The following KLHDC7B variants were observed in gnomAD, a reference collection of about 807,000 sequenced individuals.
KLHDC7B encodes kelch domain-containing protein 7B.
In KLHDC7B, 1 loss-of-function variant was observed where a neutral mutation model predicts 0.6. The observed-to-expected ratio is 1.71, with a 90% confidence interval of 0.61 to 8.11. The LOEUF is 8.11. KLHDC7B is among the 30% of genes most tolerant of loss of function. The pLI is 0.13. For synonymous variants in KLHDC7B, 462 were observed against 405.2 expected (o/e 1.14, Z -1.68); for missense variants, 993 against 894.9 (o/e 1.11, Z -1.40).
chr22:50,549,347 C>T lies in KLHDC7B; in HGVS notation c.3104C>T (p.Ala1035Val). ...IWSQVRPMQQ[A>V]RAQLKLVALD... ...AGCCAGGTTCGGCCCATGCAGCAGG[C>T]CCGAGCCCAGCTCAAGCTGGTGGCC... The change falls in exon 1 of 1, where the codon GCC becomes GTC. Residue 1035 changes from alanine to valine, a missense_variant. Coordinates refer to ENST00000648057, the MANE Select transcript of KLHDC7B (RefSeq NM_138433.5). 1 of 1,612,884 alleles carries T rather than the reference C, an allele frequency of 6.2e-7. No homozygotes were observed. Among genetic ancestry groups the T allele is most frequent in the Non-Finnish European group, 8.5e-7 (1 of 1,179,980 alleles).
In KLHDC7B at chr22:50,546,587, G is replaced by A. The variant is rs1476272256; in HGVS notation, c.344G>A (p.Gly115Asp). The A allele has an allele frequency of 7.5e-6, 3 of 397,924 alleles. No individual in the cohort carries two copies. The highest frequency in any genetic ancestry group is 2.1e-5 in the African/African-American group (1 of 48,596). The allele number at this position is 397,924 out of a possible 1,614,324, so 24.6% of individuals were successfully genotyped here. ...GTCCCTGCTGCAGCGCCGGGCGGGG[G>A]CCTGGCCGCCATGGCCCGGCTTCCA... ...SPVPAAAPGGGLAAMARLPLK... is the reference protein window; with the variant it reads ...SPVPAAAPGGDLAAMARLPLK... Residue 115 changes from glycine to aspartate, a missense_variant, in exon 1 of 1, where the codon GGC becomes GAC. Transcript: ENST00000648057.
At position 50,549,506 on chromosome 22, in the gene KLHDC7B, C is replaced by T; in HGVS notation, c.3263C>T (p.Ala1088Val). ...TTCCCTGTGGCCCACGAGGCTGTGG[C>T]CTGCCGTGGGGACATCTACGTCACC... is the stretch of plus-strand genomic sequence containing the variant. ...GTFPVAHEAV[A>V]CRGDIYVTGG... Residue 1088 changes from alanine to valine, a missense_variant, in exon 1 of 1, where the codon GCC becomes GTC. Coordinates refer to ENST00000648057, the MANE Select transcript of KLHDC7B (RefSeq NM_138433.5). The T allele has an allele frequency of 1.2e-6, 2 of 1,611,802 alleles. No homozygotes were observed. Among genetic ancestry groups the T allele is most frequent in the African/African-American group, 1.3e-5 (1 of 75,054 alleles).
At position 50,549,348 on chromosome 22, in the gene KLHDC7B, C is replaced by G. The variant is rs759020961; in HGVS notation, c.3105C>G (p.Ala1035=). 1 of 1,612,874 alleles carries G rather than the reference C, an allele frequency of 6.2e-7. No individual in the cohort carries two copies. The highest frequency in any genetic ancestry group is 2.2e-5 in the East Asian group (1 of 44,876). ...GCCAGGTTCGGCCCATGCAGCAGGC[C>G]CGAGCCCAGCTCAAGCTGGTGGCCC... The part of the protein sequence containing the change: ...IWSQVRPMQQ[A]RAQLKLVALD... The change falls in exon 1 of 1, where the codon GCC becomes GCG. Residue 1035 remains alanine (A), a synonymous_variant. Transcript: ENST00000648057.
chr22:50,548,299 G>T lies in KLHDC7B; in HGVS notation c.2056G>T (p.Val686Leu). The change falls in exon 1 of 1, where the codon GTG becomes TTG. Residue 686 changes from valine to leucine, a missense_variant. Transcript: ENST00000648057. This position sits in a 1 kb window ranked among gnomAD's most constrained non-coding sequence, Gnocchi z 5.3. ...SEDRHGPSSS[V>L]GTVIGTGTGG... ...GGACAGACACGGCCCCTCTTCTTCAGTGGGGACAGTCATAGGGACAGGTAC... is the reference window on the plus strand; with the variant it reads ...GGACAGACACGGCCCCTCTTCTTCATTGGGGACAGTCATAGGGACAGGTAC... The T allele has an allele frequency of 6.4e-7, 1 of 1,551,164 alleles. No individual in the cohort carries two copies. The highest frequency in any genetic ancestry group is 8.7e-7 in the Non-Finnish European group (1 of 1,146,972).
Position 50,548,136 on chromosome 22 carries a change from G to A in KLHDC7B, c.1893G>A (p.Gln631=). ...TCCCCAGGCGCTACCAGGAGGGGCAGGTCTCAGCCAGCTGGGGAAACCTTA... is the reference window on the plus strand; with the variant it reads ...TCCCCAGGCGCTACCAGGAGGGGCAAGTCTCAGCCAGCTGGGGAAACCTTA... The part of the protein sequence containing the change: ...VALPRRYQEG[Q]VSASWGNLIA... The change falls in exon 1 of 1, where the codon CAG becomes CAA. Residue 631 remains glutamine, a synonymous_variant. Transcript: ENST00000648057. The surrounding 1 kb of genome is among the most constrained non-coding windows in gnomAD (Gnocchi z 5.3). 2 of 1,471,226 alleles carry A rather than the reference G, an allele frequency of 1.4e-6. No individual in the cohort carries two copies. The highest frequency in any genetic ancestry group is 1.8e-6 in the Non-Finnish European group (2 of 1,108,258). 91.1% of individuals were successfully genotyped at this position (1,471,226 alleles called of 1,614,324 possible).
Position 50,548,061 on chromosome 22 carries a change from C to T in KLHDC7B, c.1818C>T (p.Ala606=), listed in dbSNP as rs577000416. The T allele has an allele frequency of 9.7e-4, 1,280 of 1,318,944 alleles. 20 individuals carry two copies. In the African/African-American group the frequency reaches 0.019, roughly 20 times the overall value. 81.7% of individuals were successfully genotyped at this position (1,318,944 alleles called of 1,614,324 possible). ...APTSAPTPTP[A]ASPAPADGSK... is the part of the protein sequence containing the mutation. The stretch of plus-strand genomic sequence containing the variant: ...CCTCAGCCCCAACCCCAACCCCAGC[C>T]GCATCCCCTGCCCCAGCTGACGGGT... The change falls in exon 1 of 1, where the codon GCC becomes GCT. Residue 606 remains alanine, a synonymous_variant. Coordinates refer to ENST00000648057, the MANE Select transcript of KLHDC7B (RefSeq NM_138433.5). This position sits in a 1 kb window ranked among gnomAD's most constrained non-coding sequence, Gnocchi z 5.3.
In KLHDC7B at chr22:50,548,452, C is replaced by T. The variant is rs762739920; in HGVS notation, c.2209C>T (p.Pro737Ser). The T allele has an allele frequency of 2.5e-5, 40 of 1,579,330 alleles. No individual in the cohort carries two copies. In the Admixed American group the frequency reaches 4.4e-4, roughly 18 times the overall value. The change falls in exon 1 of 1, where the codon CCC (proline) becomes TCC (serine). Residue 737 changes from proline (P) to serine (S), a missense_variant. By Grantham distance (74) the Pro-to-Ser change is moderately conservative (BLOSUM62 -1). Transcript: ENST00000648057. This position sits in a 1 kb window ranked among gnomAD's most constrained non-coding sequence, Gnocchi z 5.3. ...CAGGGAGAAAAGTCTAGACCCGCTG[C>T]CCCAAGCCGCGATGCCCAGGGGCCC... is the stretch of plus-strand genomic sequence containing the variant. The part of the protein sequence containing the change: ...GTREKSLDPL[P>S]QAAMPRGPAQ...
rs754424798 is a variant in KLHDC7B, at chr22:50,548,613, C to A, written c.2370C>A (p.Ala790=). The part of the protein sequence containing the change: ...APSSEQEVRP[A]ASGDPQGEAP... ...GCTCGGAGCAGGAGGTCAGGCCGGC[C>A]GCCTCGGGGGACCCTCAAGGGGAGG... Residue 790 remains alanine, a synonymous_variant, in exon 1 of 1, where the codon GCC becomes GCA. Coordinates refer to ENST00000648057, the MANE Select transcript of KLHDC7B (RefSeq NM_138433.5). This position sits in a 1 kb window ranked among gnomAD's most constrained non-coding sequence, Gnocchi z 5.3. 1 of 1,543,094 alleles carries A rather than the reference C, an allele frequency of 6.5e-7. No individual in the cohort carries two copies. The highest frequency in any genetic ancestry group is 2.0e-5 in the Admixed American group (1 of 50,836).
Position 50,550,097 on chromosome 22 carries a change from G to C in KLHDC7B, c.*146G>C. 1 of 868,290 alleles carries C rather than the reference G, an allele frequency of 1.2e-6. No homozygotes were observed. Among genetic ancestry groups the C allele is most frequent in the Non-Finnish European group, 1.7e-6 (1 of 585,760 alleles). The allele number at this position is 868,290 out of a possible 1,614,324, so 53.8% of individuals were successfully genotyped here. The stretch of plus-strand genomic sequence containing the variant: ...ACAACTTTCCCCTTCTGCTTTAAAG[G>C]TTGTCGATTATTTTGAAGCCCAGAC... On this transcript the variant is annotated 3_prime_UTR_variant, in exon 1 of 1. Transcript: ENST00000648057.
Position 50,548,673 on chromosome 22 carries a change from CG to C in KLHDC7B, c.511del (p.Ala171ArgfsTer75). 1 of 1,518,318 alleles carries C rather than the reference CG, an allele frequency of 6.6e-7. No individual in the cohort carries two copies. The allele number at this position is 1,518,318 out of a possible 1,614,324, so 94.1% of individuals were successfully genotyped here. Reference sequence around the variant, plus strand: ...AGGGGGGCAGCCCTGCCGGCCGCAGCGGGGCGCTCACGGAAAAGCAGGAGGA... The same window carrying C: ...AGGGGGGCAGCCCTGCCGGCCGCAGCGGGCGCTCACGGAAAAGCAGGAGGA... On this transcript the variant is annotated frameshift_variant, in exon 1 of 1. Transcript: ENST00000395676. LOFTEE classifies it low-confidence loss of function (END_TRUNC). The surrounding 1 kb of genome is among the most constrained non-coding windows in gnomAD (Gnocchi z 5.3).
Position 50,548,177 on chromosome 22 carries a change from G to A in KLHDC7B, c.1934G>A (p.Arg645Lys). 6.6e-7 allele frequency: 1 copy of A among 1,518,468 alleles called. No homozygotes were observed. The allele number at this position is 1,518,468 out of a possible 1,614,324, so 94.1% of individuals were successfully genotyped here. The change falls in exon 1 of 1, where the codon AGA (arginine) becomes AAA (lysine). Residue 645 changes from arginine (R) to lysine (K), a missense_variant. Physicochemically the swap from Arg to Lys is conservative, Grantham distance 26. Transcript: ENST00000648057. This position sits in a 1 kb window ranked among gnomAD's most constrained non-coding sequence, Gnocchi z 5.3. The stretch of plus-strand genomic sequence containing the variant: ...GGAAACCTTATTGCCATGGTTCTTA[G>A]AAGCCACCCCTTCCCCAGGCAAGAC... ...SWGNLIAMVL[R>K]SHPFPRQDRP...
rs369055801 is a variant in KLHDC7B, at chr22:50,549,163, C to A, written c.2920C>A (p.Arg974=). The A allele has an allele frequency of 1.1e-5, 17 of 1,604,428 alleles. No homozygotes were observed. In the South Asian group the frequency reaches 1.4e-4, roughly 13 times the overall value. ...GTTCAACCCCCGGGAGAACACCTGGCGGCCCCTGACCCAGGTGCCCGAGGA... is the reference window on the plus strand; with the variant it reads ...GTTCAACCCCCGGGAGAACACCTGGAGGCCCCTGACCCAGGTGCCCGAGGA... ...HVFNPRENTW[R]PLTQVPEEAP... Residue 974 remains arginine (R), a synonymous_variant, in exon 1 of 1, where the codon CGG becomes AGG. Transcript: ENST00000648057.
chr22:50,549,899 G>A lies in KLHDC7B; in HGVS notation c.3656G>A (p.Ser1219Asn). The A allele has an allele frequency of 6.3e-7, 1 of 1,590,214 alleles. No homozygotes were observed. ...PFPLGSTGVL[S>N]PFILTLPPED... ...CCCTTGGGGAGCACCGGGGTCCTCA[G>A]TCCATTCATCCTGACTCTGCCCCCT... is the stretch of plus-strand genomic sequence containing the variant. The change falls in exon 1 of 1, where the codon AGT becomes AAT. Residue 1219 changes from serine (S) to asparagine (N), a missense_variant. Transcript: ENST00000648057.
chr22:50,548,932 G>T lies in KLHDC7B; in HGVS notation c.2689G>T (p.Asp897Tyr), dbSNP rs775723181. The change falls in exon 1 of 1, where the codon GAC becomes TAC. Residue 897 changes from aspartate (D) to tyrosine (Y), a missense_variant. Physicochemically the swap from Asp to Tyr is radical, Grantham distance 160. Coordinates refer to ENST00000648057, the MANE Select transcript of KLHDC7B (RefSeq NM_138433.5). The surrounding 1 kb of genome is among the most constrained non-coding windows in gnomAD (Gnocchi z 5.3). ...CGACAACCTGCTGCGAGTGCTGGGA[G>T]ACCCGTGCCTCTACCGCCGGCTGAG... Reference protein sequence around the residue: ...MSDNLLRVLGDPCLYRRLSAA... With the variant: ...MSDNLLRVLGYPCLYRRLSAA... The T allele has an allele frequency of 2.5e-6, 4 of 1,597,596 alleles. No homozygotes were observed. The Admixed American group carries it at 6.9e-5, about 27-fold the overall frequency.
rs763759553 is a variant in KLHDC7B at position 50,549,149 on chromosome 22, G to A, written c.2906G>A (p.Arg969Gln). The A allele has an allele frequency of 5.0e-6, 8 of 1,604,080 alleles. No homozygotes were observed. Among genetic ancestry groups the A allele is most frequent in the East Asian group, 2.2e-5 (1 of 44,854 alleles). ...LPAHLHVFNP[R>Q]ENTWRPLTQV... Reference sequence around the variant, plus strand: ...GCGCACCTGCATGTGTTCAACCCCCGGGAGAACACCTGGCGGCCCCTGACC... The same window carrying A: ...GCGCACCTGCATGTGTTCAACCCCCAGGAGAACACCTGGCGGCCCCTGACC... Residue 969 changes from arginine to glutamine, a missense_variant, in exon 1 of 1, where the codon CGG becomes CAG. By Grantham distance (43) the Arg-to-Gln change is conservative (BLOSUM62 1). Coordinates refer to ENST00000648057, the MANE Select transcript of KLHDC7B (RefSeq NM_138433.5).
chr22:50,548,216 G>A lies in KLHDC7B; in HGVS notation c.1973G>A (p.Ser658Asn), dbSNP rs368890276. 3.9e-6 allele frequency: 6 copies of A among 1,548,806 alleles called. No individual in the cohort carries two copies. The highest frequency in any genetic ancestry group is 2.0e-5 in the Admixed American group (1 of 50,886). Residue 658 changes from serine to asparagine, a missense_variant, in exon 1 of 1, where the codon AGT (serine) becomes AAT (asparagine). Physicochemically the swap from Ser to Asn is conservative, Grantham distance 46. Transcript: ENST00000648057. This position sits in a 1 kb window ranked among gnomAD's most constrained non-coding sequence, Gnocchi z 5.3. The part of the protein sequence containing the change: ...PFPRQDRPQG[S>N]VPRAVPGSPV... ...CCCAGGCAAGACAGGCCCCAAGGGA[G>A]TGTCCCGAGGGCGGTTCCCGGGAGC...
chr22:50,548,160 T>C lies in KLHDC7B; in HGVS notation c.1917T>C (p.Leu639=). The C allele has an allele frequency of 6.7e-7, 1 of 1,499,084 alleles. No homozygotes were observed. The highest frequency in any genetic ancestry group is 8.9e-7 in the Non-Finnish European group (1 of 1,119,006). The allele number at this position is 1,499,084 out of a possible 1,614,324, so 92.9% of individuals were successfully genotyped here. The change falls in exon 1 of 1, where the codon CTT becomes CTC. Residue 639 remains leucine (L), a synonymous_variant. Transcript: ENST00000648057. The surrounding 1 kb of genome is among the most constrained non-coding windows in gnomAD (Gnocchi z 5.3). ...EGQVSASWGN[L]IAMVLRSHPF... ...AGGTCTCAGCCAGCTGGGGAAACCTTATTGCCATGGTTCTTAGAAGCCACC... is the reference window on the plus strand; with the variant it reads ...AGGTCTCAGCCAGCTGGGGAAACCTCATTGCCATGGTTCTTAGAAGCCACC...
At position 50,547,562 on chromosome 22, in the gene KLHDC7B, C is replaced by T. The variant is rs1166263981; in HGVS notation, c.1319C>T (p.Pro440Leu). 1 of 399,690 alleles carries T rather than the reference C, an allele frequency of 2.5e-6. No homozygotes were observed. The highest frequency in any genetic ancestry group is 2.1e-5 in the African/African-American group (1 of 48,616). 24.8% of individuals were successfully genotyped at this position (399,690 alleles called of 1,614,324 possible). A position where few individuals can be genotyped will look rare whatever the true frequency, so the allele number is the denominator to read the frequency against. ...FPPEALTLPS[P>L]SDFLPLEVTQ... ...CCTGAAGCCCTGACTCTCCCCTCTCCTTCAGACTTTTTGCCCCTGGAGGTT... is the reference window on the plus strand; with the variant it reads ...CCTGAAGCCCTGACTCTCCCCTCTCTTTCAGACTTTTTGCCCCTGGAGGTT... The change falls in exon 1 of 1, where the codon CCT becomes CTT. Residue 440 changes from proline (P) to leucine (L), a missense_variant. Coordinates refer to ENST00000648057, the MANE Select transcript of KLHDC7B (RefSeq NM_138433.5).
rs61741044 is a variant in KLHDC7B, at chr22:50,548,974, C to G, written c.2731C>G (p.Arg911Gly). The G allele has an allele frequency of 6.3e-7, 1 of 1,598,734 alleles. No homozygotes were observed. The highest frequency in any genetic ancestry group is 8.5e-7 in the Non-Finnish European group (1 of 1,174,970). The part of the protein sequence containing the change: ...YRRLSAADRE[R>G]ILSLRTGRGR... ...CCGGCTGAGCGCGGCCGACCGCGAG[C>G]GCATCCTCAGCCTGCGGACCGGCCG... The change falls in exon 1 of 1, where the codon CGC becomes GGC. Residue 911 changes from arginine to glycine, a missense_variant. Coordinates refer to ENST00000648057, the MANE Select transcript of KLHDC7B (RefSeq NM_138433.5). The surrounding 1 kb of genome is among the most constrained non-coding windows in gnomAD (Gnocchi z 5.3).
Sources: allele counts gnomAD v4.1 joint callset, GRCh38; gene constraint gnomAD v4.1.1; non-coding constraint Gnocchi (gnomAD v3.1); transcripts MANE v1.5; gene names NCBI Gene and HGNC (gene_info 2026-07-23, HGNC 2026-07-21).